Variants in AKAP11 observed in about 807,000 individuals in gnomAD.
AKAP11 encodes A-kinase anchor protein 11.
In AKAP11, 36 loss-of-function variants were observed where a neutral mutation model predicts 146.1. The observed-to-expected ratio is 0.25, with a 90% CI of 0.19 to 0.33. The LOEUF (loss-of-function observed/expected upper bound fraction) is 0.33. AKAP11 is among the 10% of genes least tolerant of loss of function. The probability of loss-of-function intolerance (pLI) is 1.00; values close to 1 mark genes in which losing one functional copy is unlikely to be tolerated. For missense variants in AKAP11, 2,201 were observed against 2,197.0 expected, an observed-to-expected ratio of 1.00 and a Z score of -0.04; for synonymous variants, 780 against 786.5, an observed-to-expected ratio of 0.99 and a Z score of 0.14.
chr13:42,274,292 G>T (rs564288812), intron 1 of AKAP11, among the ~76,000 whole-genome samples: 1 of 152,174 alleles, frequency 6.6e-6, no homozygotes, highest in East Asian at 1.9e-4. Flanking sequence ...GTAATATGGG[G>T]AAGAGAAAGA....
In AKAP11 at chr13:42,313,189, C is replaced by T. The variant is rs45583831; in HGVS notation, c.5357+59C>T. On this transcript the variant is annotated intron_variant, in intron 10 of 12. Transcript: ENST00000025301. The stretch of plus-strand genomic sequence containing the variant: ...GTCTGTCACCACTAATGCATGATGT[C>T]ATATTCTTCAAAGAATGTGGGTTAC... The T allele has an allele frequency of 6.8e-4, 870 of 1,283,216 alleles. 4 individuals are homozygous for T. The highest frequency in any genetic ancestry group is 2.1e-3 in the Admixed American group (96 of 46,822). 79.5% of individuals were successfully genotyped at this position (1,283,216 alleles called of 1,614,324 possible).
chr13:42,318,054 C>G (rs1960906448), intron 12 of AKAP11, among the ~76,000 whole-genome samples: 1 of 152,142 alleles, frequency 6.6e-6, no homozygotes, highest in South Asian at 2.1e-4. Flanking sequence ...TTGAATTATT[C>G]TCTGTATTTA....
At chr13:42,307,660 GGGA>G (rs1960333067) in intron 8 of AKAP11, among the ~76,000 whole-genome samples, 4 of 151,934 alleles carry the variant, frequency 2.6e-5, no homozygotes, top group Admixed American at 2.6e-4. Flanking sequence ...TTGCTGAAGT[GGGA>G]GGAGTGGGCC....
chr13:42,314,002 CTT>C (rs1436202110), intron 11 of AKAP11, 62 bp downstream of exon 11: 1 of 1,535,128 alleles, frequency 6.5e-7, no homozygotes, highest in African/African-American at 1.4e-5. Flanking sequence ...CTAGAAGAGT[CTT>C]TATGCATTTT....
At chr13:42,306,403 CAG>C (rs1029785501) in intron 8 of AKAP11, among the ~76,000 whole-genome samples, 1 of 152,194 alleles carries the variant, frequency 6.6e-6, no homozygotes, top group African/African-American at 2.4e-5. Context: ...ACATCACTCT[CAG>C]GGGCTAGCAA....
In AKAP11 at chr13:42,302,822, A is replaced by G; in HGVS notation, c.4076A>G (p.Asn1359Ser). The G allele has an allele frequency of 6.2e-7, 1 of 1,614,136 alleles. No homozygotes were observed. The highest frequency in any genetic ancestry group is 1.1e-5 in the South Asian group (1 of 91,082). ...LIQILKQEGGNSELIMDQYAN... is the reference protein window; with the variant it reads ...LIQILKQEGGSSELIMDQYAN... ...CAGATACTAAAACAGGAAGGTGGTA[A>G]TAGTGAGTTGATAATGGATCAGTAT... Residue 1359 changes from asparagine to serine, a missense_variant, in exon 8 of 13, where the codon AAT becomes AGT. Coordinates refer to ENST00000025301, the MANE Select transcript of AKAP11 (RefSeq NM_016248.4).
At chr13:42,284,092 A>G (rs1417223004) in intron 1 of AKAP11, among the ~76,000 whole-genome samples, 3 of 152,196 alleles carry the variant, frequency 2.0e-5, no homozygotes, top group Non-Finnish European at 4.4e-5. Context: ...GCAAATTGCT[A>G]AGCTTCCTCT....
intron 1 of AKAP11, among the ~76,000 whole-genome samples, chr13:42,272,629 G>C (rs1356657149): frequency 6.6e-6 from 1 of 152,228 alleles, no homozygotes; most frequent in Non-Finnish European, 1.5e-5. Flanking sequence ...TGTGCGCACA[G>C]GAACATTTGC....
intron 11 of AKAP11, among the ~76,000 whole-genome samples, chr13:42,316,425 A>T (rs771200218): frequency 3.4e-4 from 52 of 152,264 alleles, no homozygotes; most frequent in Middle Eastern, 3.4e-3. Flanking sequence ...GGAATGTTAA[A>T]CGCATGATAT....
At position 42,299,773 on chromosome 13, in the gene AKAP11, G is replaced by C; in HGVS notation, c.1027G>C (p.Asp343His). 6.2e-7 allele frequency: 1 copy of C among 1,613,970 alleles called. No individual in the cohort carries two copies. Among genetic ancestry groups the C allele is most frequent in the Non-Finnish European group, 8.5e-7 (1 of 1,179,910 alleles). Residue 343 changes from aspartate to histidine, a missense_variant, in exon 8 of 13, where the codon GAT (aspartate) becomes CAT (histidine). Around this residue, in one of 3 missense-constraint regions of AKAP11, gnomAD observed 1,867 missense variants for 1,833.5 expected, o/e 1.02. Transcript: ENST00000025301. ...LELPKIPVMK[D>H]DIEDSDSEVS... ...GCTGCCTAAAATTCCTGTGATGAAA[G>C]ATGATATAGAGGATTCAGACTCAGA...
chr13:42,273,742 T>G (rs1181818634), intron 1 of AKAP11, among the ~76,000 whole-genome samples: 1 of 152,234 alleles, frequency 6.6e-6, no homozygotes, highest in African/African-American at 2.4e-5. Flanking sequence ...GTCTAGAAGC[T>G]GAAGAAGTCC....
At chr13:42,310,967 C>T (rs944992027) in intron 9 of AKAP11, among the ~76,000 whole-genome samples, 4 of 151,834 alleles carry the variant, frequency 2.6e-5, no homozygotes, top group African/African-American at 9.7e-5. Context: ...TTCAGATTTT[C>T]AAAAGTGTTT....
rs778262349 is a variant in AKAP11, at chr13:42,299,916, A to G, written c.1170A>G (p.Lys390=). The change falls in exon 8 of 13, where the codon AAA becomes AAG. Residue 390 remains lysine (K), a synonymous_variant. Coordinates refer to ENST00000025301, the MANE Select transcript of AKAP11 (RefSeq NM_016248.4). ...IGKSSQRKGH[K]HGKSCMNPQK... is the part of the protein sequence containing the mutation. ...AGTCATCGCAGAGGAAAGGGCACAA[A>G]CATGGAAAGTCATGTATGAATCCTC... The G allele has an allele frequency of 6.2e-7, 1 of 1,613,980 alleles. No homozygotes were observed. The highest frequency in any genetic ancestry group is 8.5e-7 in the Non-Finnish European group (1 of 1,179,882).
chr13:42,303,216 T>G lies in AKAP11; in HGVS notation c.4470T>G (p.Phe1490Leu), dbSNP rs1566281227. The G allele has an allele frequency of 2.5e-6, 4 of 1,614,176 alleles. No individual in the cohort carries two copies. The highest frequency in any genetic ancestry group is 3.4e-6 in the Non-Finnish European group (4 of 1,180,032). ...AATCCTTAACAGATTCTTGCTTGTT[T>G]GAAAAATCTGGATATGAAGAAGATA... ...LPKSLTDSCL[F>L]EKSGYEEDNE... The change falls in exon 8 of 13, where the codon TTT (phenylalanine) becomes TTG (leucine). Residue 1490 changes from phenylalanine (F) to leucine (L), a missense_variant. By Grantham distance (22) the Phe-to-Leu change is conservative. Around this residue, in one of 3 missense-constraint regions of AKAP11, gnomAD observed 1,867 missense variants for 1,833.5 expected, o/e 1.02. Coordinates refer to ENST00000025301, the MANE Select transcript of AKAP11 (RefSeq NM_016248.4).
At chr13:42,281,191 T>C (rs1316617995) in intron 1 of AKAP11, among the ~76,000 whole-genome samples, 1 of 152,172 alleles carries the variant, frequency 6.6e-6, no homozygotes, top group Admixed American at 6.5e-5. Context: ...GGATGAAGAC[T>C]AAGAAATATT....
In AKAP11 at chr13:42,303,822, C is replaced by T. The variant is rs1170832544; in HGVS notation, c.5076C>T (p.Thr1692=). The change falls in exon 8 of 13, where the codon ACC becomes ACT. Residue 1692 remains threonine (T), a synonymous_variant. Transcript: ENST00000025301. ...TTGCTGAAAGCCTTGCCACAGAAAC[C>T]ATGACAGCAGCTGTCACAAATGTTG... The part of the protein sequence containing the change: ...ASFAESLATE[T]MTAAVTNVGH... The T allele has an allele frequency of 2.5e-6, 4 of 1,601,666 alleles. No homozygotes were observed. The highest frequency in any genetic ancestry group is 3.4e-6 in the Non-Finnish European group (4 of 1,173,152).
At position 42,301,810 on chromosome 13, in the gene AKAP11, A is replaced by G. The variant is rs1470796612; in HGVS notation, c.3064A>G (p.Thr1022Ala). 1 of 1,614,176 alleles carries G rather than the reference A, an allele frequency of 6.2e-7. No homozygotes were observed. The highest frequency in any genetic ancestry group is 1.7e-5 in the Admixed American group (1 of 60,020). Residue 1022 changes from threonine to alanine, a missense_variant, in exon 8 of 13, where the codon ACA (threonine) becomes GCA (alanine). By Grantham distance (58) the Thr-to-Ala change is moderately conservative. Coordinates refer to ENST00000025301, the MANE Select transcript of AKAP11 (RefSeq NM_016248.4). ...TATGGTTCATGGATCCTCCCTAGAG[A>G]CACTGCCATCTTGTCCAGCTGTGAC... ...VSMVHGSSLE[T>A]LPSCPAVTGQ... is the part of the protein sequence containing the mutation.
intron 12 of AKAP11, 89 bp from the exon 13 acceptor site, chr13:42,318,999 C>A: frequency 7.0e-7 from 1 of 1,427,722 alleles, no homozygotes; most frequent in Non-Finnish European, 9.5e-7. Context: ...CAGCAGGATT[C>A]TTAAGTTTCA....
intron 8 of AKAP11, among the ~76,000 whole-genome samples, chr13:42,307,492 T>A (rs911392098): frequency 6.6e-6 from 1 of 151,222 alleles, no homozygotes; most frequent in African/African-American, 2.4e-5. Flanking sequence ...TGGTTTACAG[T>A]TTTGGATAGG....
Sources: gnomAD v4.1 joint callset for allele counts (sites outside exome capture counted in the v4.1 genomes callset) on GRCh38, gnomAD v4.1.1 for gene constraint, gnomAD v4.1.1 regional missense constraint, MANE v1.5 for transcripts, NCBI Gene and HGNC (gene_info 2026-07-23, HGNC 2026-07-21) for gene names.